C14orf132: variants seen among roughly 807,000 people sequenced by gnomAD.
C14orf132 encodes chromosome 14 open reading frame 132, also known as uncharacterized protein C14orf132.
Under a neutral mutation model 5.8 loss-of-function variants are expected in C14orf132, and 6 were observed. That is an observed-to-expected ratio of 1.03 (90% CI 0.57 to 2.04). C14orf132 has a LOEUF of 2.04. Among genes scored for constraint, C14orf132 ranks in the 30% most tolerant of loss-of-function variants. The pLI is 0.00. For missense variants in C14orf132, 125 were observed against 115.8 expected (o/e 1.08, Z -0.37); for synonymous variants, 51 against 49.8 (o/e 1.02, Z -0.10).
rs568924349 is a variant in C14orf132 at position 96,091,913 on chromosome 14, C to T, written c.*5178C>T. The T allele has an allele frequency of 1.5e-4, 23 of 152,216 alleles. No homozygotes were observed. The highest frequency in any genetic ancestry group is 3.1e-4 in the Non-Finnish European group (21 of 68,052). The allele number at this position is 152,216 out of a possible 1,614,324, so 9.4% of individuals were successfully genotyped here. ...TCACAGCACCTTCTCATTCCCAGCGCGTCCTTCTGAGCTCAGACCTTGAGC... is the reference window on the plus strand; with the variant it reads ...TCACAGCACCTTCTCATTCCCAGCGTGTCCTTCTGAGCTCAGACCTTGAGC... On this transcript the variant is annotated 3_prime_UTR_variant, in exon 2 of 2. Coordinates refer to ENST00000555004, the MANE Select transcript of C14orf132 (RefSeq NM_001252507.3).
chr14:96,063,452 G>T (rs894045516), intron 1 of C14orf132, among the ~76,000 whole-genome samples: 3 of 152,082 alleles, frequency 2.0e-5, no homozygotes, highest in Admixed American at 1.3e-4. Context: ...GAGACTACAG[G>T]CAAACGCCAC....
Position 96,090,520 on chromosome 14 carries a change from T to G in C14orf132, c.*3785T>G, listed in dbSNP as rs1305994606. The G allele has an allele frequency of 2.3e-6, 1 of 437,516 alleles. No homozygotes were observed. The highest frequency in any genetic ancestry group is 4.6e-6 in the Non-Finnish European group (1 of 216,428). 27.1% of individuals were successfully genotyped at this position (437,516 alleles called of 1,614,324 possible). On this transcript the variant is annotated 3_prime_UTR_variant, in exon 2 of 2. Coordinates refer to ENST00000555004, the MANE Select transcript of C14orf132 (RefSeq NM_001252507.3). ...GTAGCCAGGCCTGTCTTAAGAGGACTTGTGCTTCCAGGGACCCAGGCAGGA... is the reference window on the plus strand; with the variant it reads ...GTAGCCAGGCCTGTCTTAAGAGGACGTGTGCTTCCAGGGACCCAGGCAGGA...
chr14:96,070,763 T>C (rs995677541), intron 1 of C14orf132, among the ~76,000 whole-genome samples: 9 of 152,114 alleles, frequency 5.9e-5, no homozygotes, highest in Non-Finnish European at 1.3e-4. Flanking sequence ...ACCAGAGTCA[T>C]TGGCAGTTCT....
chr14:96,085,619 G>A (rs1192022556), intron 1 of C14orf132, among the ~76,000 whole-genome samples: 1 of 152,186 alleles, frequency 6.6e-6, no homozygotes, highest in Non-Finnish European at 1.5e-5. Flanking sequence ...GGGAATTAGG[G>A]AACCTCTTCT....
chr14:96,050,592 C>T (rs925772552), intron 1 of C14orf132, among the ~76,000 whole-genome samples: 3 of 151,988 alleles, frequency 2.0e-5, no homozygotes, highest in Non-Finnish European at 4.4e-5. Context: ...TCTCTGTGGG[C>T]GGCTGTCTTC....
At chr14:96,069,191 ATATG>A (rs60564395) in intron 1 of C14orf132, among the ~76,000 whole-genome samples, 29 of 140,600 alleles carry the variant, frequency 2.1e-4, no homozygotes, top group African/African-American at 3.1e-4. Flanking sequence ...ATATATATAT[ATATG>A]TATATATGTT....
intron 1 of C14orf132, among the ~76,000 whole-genome samples, chr14:96,074,165 C>G (rs894459186): frequency 1.3e-5 from 2 of 152,188 alleles, no homozygotes; most frequent in Non-Finnish European, 2.9e-5. Flanking sequence ...ACCTTCTGCA[C>G]ATGGACCCCA....
chr14:96,066,737 G>C (rs976434987), intron 1 of C14orf132, among the ~76,000 whole-genome samples: 1 of 152,088 alleles, frequency 6.6e-6, no homozygotes, highest in Non-Finnish European at 1.5e-5. Context: ...TGTAATGTGA[G>C]TACACATCTA....
Position 96,088,229 on chromosome 14 carries a change from A to T in C14orf132, c.*1494A>T, listed in dbSNP as rs1346886413. On this transcript the variant is annotated 3_prime_UTR_variant, in exon 2 of 2. Transcript: ENST00000555004. ...AGTGTTCTTGATGACAGGCAAAGGG[A>T]CATCTTAGTTGTCCAGAAGCGGCAC... 6.6e-6 allele frequency: 1 copy of T among 152,136 alleles called. No individual in the cohort carries two copies. The highest frequency in any genetic ancestry group is 6.5e-5 in the Admixed American group (1 of 15,270). 9.4% of individuals were successfully genotyped at this position (152,136 alleles called of 1,614,324 possible).
rs1292884469 is a variant in C14orf132, at chr14:96,064,808, A to C, written c.28-21703A>C. On this transcript the variant is annotated intron_variant, in intron 1 of 1. Coordinates refer to ENST00000555004, the MANE Select transcript of C14orf132 (RefSeq NM_001252507.3). ...GCAACCACAAACCACCTGTACCCCA[A>C]TAACTCATGGAAAAATAAAATTAAA... Among the ~76,000 whole-genome samples the C allele has an allele frequency of 3.3e-5, 5 of 152,148 alleles. 1 individual carries two copies. Among genetic ancestry groups the C allele is most frequent in the African/African-American group, 1.2e-4 (5 of 41,390 alleles).
At chr14:96,050,259 G>C (rs995704068) in intron 1 of C14orf132, among the ~76,000 whole-genome samples, 1 of 152,166 alleles carries the variant, frequency 6.6e-6, no homozygotes, top group Non-Finnish European at 1.5e-5. Flanking sequence ...TCAGATGCTT[G>C]AGAACAGTTT....
intron 1 of C14orf132, among the ~76,000 whole-genome samples, chr14:96,054,032 G>T (rs181632094): frequency 2.0e-5 from 3 of 152,142 alleles, no homozygotes; most frequent in African/African-American, 7.2e-5. Flanking sequence ...ATAAATGCCC[G>T]CAGTGAGCAT....
chr14:96,083,026 G>A lies in C14orf132; in HGVS notation c.28-3485G>A, dbSNP rs376677034. On this transcript the variant is annotated intron_variant, in intron 1 of 1. Transcript: ENST00000555004. ...CCCACGCTCTGAGACAGCAGAATCC[G>A]TCCCACACTGACCATCCTCTTTGGC... 1.4e-3 allele frequency among the ~76,000 whole-genome samples: 215 copies of A among 152,264 alleles called. 1 individual carries two copies. Among genetic ancestry groups the A allele is most frequent in the South Asian group, 0.013 (65 of 4,818 alleles).
intron 1 of C14orf132, among the ~76,000 whole-genome samples, chr14:96,044,268 G>A (rs760721725): frequency 1.4e-4 from 22 of 152,350 alleles, no homozygotes; most frequent in Non-Finnish European, 2.1e-4. Context: ...TAATCTCCCA[G>A]GCTGAAGCAA....
chr14:96,079,916 A>G lies in C14orf132; in HGVS notation c.28-6595A>G, dbSNP rs373980446. ...TAGCAAATAAAAGATGCACAGTTAA[A>G]TTTCATTGTCAGATAAACAACAAAT... On this transcript the variant is annotated intron_variant, in intron 1 of 1. Transcript: ENST00000555004. 5.3e-5 allele frequency among the ~76,000 whole-genome samples: 8 copies of G among 152,344 alleles called. 1 individual carries two copies. The highest frequency in any genetic ancestry group is 1.9e-4 in the African/African-American group (8 of 41,578).
chr14:96,047,032 G>C (rs1214117222), intron 1 of C14orf132, among the ~76,000 whole-genome samples: 1 of 152,172 alleles, frequency 6.6e-6, no homozygotes, highest in Non-Finnish European at 1.5e-5. Context: ...GCTTCTTAGA[G>C]AATATTTTCT....
chr14:96,073,515 A>AT (rs1247130968), intron 1 of C14orf132, among the ~76,000 whole-genome samples: 1 of 152,238 alleles, frequency 6.6e-6, no homozygotes, highest in Non-Finnish European at 1.5e-5. Context: ...AATGGTGATT[A>AT]TTAAAAAGTC....
At chr14:96,074,396 G>T (rs963692302) in intron 1 of C14orf132, among the ~76,000 whole-genome samples, 2 of 152,138 alleles carry the variant, frequency 1.3e-5, no homozygotes, top group African/African-American at 4.8e-5. Context: ...GTGTTTTCTT[G>T]TATGGATTAT....
At chr14:96,077,494 G>T (rs1163596883) in intron 1 of C14orf132, among the ~76,000 whole-genome samples, 1 of 152,172 alleles carries the variant, frequency 6.6e-6, no homozygotes, top group African/African-American at 2.4e-5. Context: ...TTAGGACACG[G>T]ACATGCACAG....
Sources: allele counts gnomAD v4.1 joint callset (sites outside exome capture counted in the v4.1 genomes callset), GRCh38; gene constraint gnomAD v4.1.1; transcripts MANE v1.5; gene names NCBI Gene and HGNC (gene_info 2026-07-23, HGNC 2026-07-21).